Variants in NOTUM observed in about 807,000 individuals in gnomAD.
NOTUM encodes palmitoleoyl-protein carboxylesterase NOTUM.
NOTUM carries 36 observed loss-of-function variants against 65.5 expected under a neutral mutation model. The observed-to-expected ratio is 0.55, with a 90% CI of 0.42 to 0.73. The LOEUF (loss-of-function observed/expected upper bound fraction) is 0.73. Among genes scored for constraint, NOTUM ranks in the 30% least tolerant of loss-of-function variants. NOTUM has a pLI of 0.00. For synonymous variants in NOTUM, 356 were observed against 297.9 expected (o/e 1.20, Z -2.01); for missense variants, 659 against 694.2 (o/e 0.95, Z 0.57).
chr17:81,958,584 AC>A (rs1196002829), intron 4 of NOTUM, among the ~76,000 whole-genome samples, 191 bp from the exon 5 acceptor site: 4 of 151,170 alleles, frequency 2.6e-5, no homozygotes, highest in African/African-American at 9.8e-5. Flanking sequence ...CCAACCCAGG[AC>A]AGGACCCTTT....
Position 81,952,989 on chromosome 17 carries a change from A to G in NOTUM, c.1463T>C (p.Leu488Pro), listed in dbSNP as rs2041398787. The G allele has an allele frequency of 6.2e-7, 1 of 1,613,822 alleles. No homozygotes were observed. The highest frequency in any genetic ancestry group is 1.3e-5 in the African/African-American group (1 of 74,940). ...GCTTCCGTTGCTCAGCATCCCCAGCAGCTCACTGGGCTCCAGTCCCTGCGG... is the reference window on the plus strand; with the variant it reads ...GCTTCCGTTGCTCAGCATCCCCAGCGGCTCACTGGGCTCCAGTCCCTGCGG... ...AQPQGLEPSELLGMLSNGS is the reference protein window; with the variant it reads ...AQPQGLEPSEPLGMLSNGS The change falls in exon 11 of 11, where the codon CTG becomes CCG. Residue 488 changes from leucine to proline, a missense_variant. Leu to Pro is a moderately conservative substitution (Grantham distance 98). Coordinates refer to ENST00000409678, the MANE Select transcript of NOTUM (RefSeq NM_178493.6).
In NOTUM at chr17:81,952,916, G is replaced by C. The variant is rs2041397901; in HGVS notation, c.*45C>G. 1 of 1,548,130 alleles carries C rather than the reference G, an allele frequency of 6.5e-7. No homozygotes were observed. The highest frequency in any genetic ancestry group is 1.4e-5 in the African/African-American group (1 of 73,770). Reference sequence around the variant, plus strand: ...GGGGTGAGGTGGCACTGGGGCAGCGGGTGTCTGGGCCCCTCAGTGCCGGCT... The same window carrying C: ...GGGGTGAGGTGGCACTGGGGCAGCGCGTGTCTGGGCCCCTCAGTGCCGGCT... On this transcript the variant is annotated 3_prime_UTR_variant, in exon 11 of 11. Transcript: ENST00000409678.
rs774426016 is a variant in NOTUM, at chr17:81,956,991, C to T, written c.779G>A (p.Arg260Gln). 7 of 1,612,878 alleles carry T rather than the reference C, an allele frequency of 4.3e-6. No individual in the cohort carries two copies. The highest frequency in any genetic ancestry group is 2.2e-5 in the East Asian group (1 of 44,882). Reference sequence around the variant, plus strand: ...GAACCAGCCGGAGTCAGCCAGGCCTCGCACCTGGATGGCTGGGTAGCCCAG... The same window carrying T: ...GAACCAGCCGGAGTCAGCCAGGCCTTGCACCTGGATGGCTGGGTAGCCCAG... ...EKLGYPAIQV[R>Q]GLADSGWFLD... Residue 260 changes from arginine (R) to glutamine (Q), a missense_variant, in exon 7 of 11, where the codon CGA becomes CAA. Arg to Gln is a conservative substitution (Grantham distance 43, BLOSUM62 1). Transcript: ENST00000409678.
In NOTUM at chr17:81,960,091, G is replaced by A. The variant is rs2041463083; in HGVS notation, c.324-399C>T. On this transcript the variant is annotated intron_variant, in intron 1 of 10. Transcript: ENST00000409678. The surrounding 1 kb of genome is among the most constrained non-coding windows in gnomAD (Gnocchi z 6.4). ...GGGAGGCGCGGGCGGCACCGACCCG[G>A]CGGGGGAGCCTTCCTGCCGAGCCCC... Among the ~76,000 whole-genome samples the A allele has an allele frequency of 6.6e-6, 1 of 152,096 alleles. No individual in the cohort carries two copies. Among genetic ancestry groups the A allele is most frequent in the African/African-American group, 2.4e-5 (1 of 41,436 alleles).
At chr17:81,959,084 ACTT>A in intron 3 of NOTUM, 89 bp from the exon 4 acceptor site, 4 of 1,117,314 alleles carry the variant, frequency 3.6e-6, no homozygotes, top group Non-Finnish European at 5.4e-6. Context: ...TGGGGCTCCT[ACTT>A]GGCCCCAGGA....
At chr17:81,954,785 T>G (rs995206350) in intron 9 of NOTUM, among the ~76,000 whole-genome samples, 1 of 151,638 alleles carries the variant, frequency 6.6e-6, no homozygotes. Context: ...CCTGGATAAT[T>G]TCTGTATGTG....
intron 9 of NOTUM, among the ~76,000 whole-genome samples, chr17:81,954,613 G>A (rs954251398): frequency 6.6e-6 from 1 of 152,166 alleles, no homozygotes; most frequent in Non-Finnish European, 1.5e-5. Flanking sequence ...ATTTTGAGTC[G>A]GGGTCTGGCT....
At position 81,959,696 on chromosome 17, in the gene NOTUM, C is replaced by CGGG. The variant is rs534679133; in HGVS notation, c.324-7_324-5dup. Reference sequence around the variant, plus strand: ...CCTGGACTCCTTCAGGTAGTAGCTGCGGGGGAGGACGCACCGCGGGGGGTC... The same window carrying CGGG: ...CCTGGACTCCTTCAGGTAGTAGCTGCGGGGGGGGAGGACGCACCGCGGGGGGTC... On this transcript the variant is annotated splice_region_variant and splice_polypyrimidine_tract_variant and intron_variant, in intron 1 of 10. Coordinates refer to ENST00000409678, the MANE Select transcript of NOTUM (RefSeq NM_178493.6). 917 of 1,463,282 alleles carry CGGG rather than the reference C, an allele frequency of 6.3e-4. 8 individuals are homozygous for CGGG. In the African/African-American group the frequency reaches 0.011, roughly 18 times the overall value. 90.6% of individuals were successfully genotyped at this position (1,463,282 alleles called of 1,614,324 possible). A position where few individuals can be genotyped will look rare whatever the true frequency, so the allele number is the denominator to read the frequency against.
At position 81,958,482 on chromosome 17, in the gene NOTUM, A is replaced by ACCAT; in HGVS notation, c.534-93_534-90dup. ...CCCCAGAACAGGACCCTCAGAAAAG[A>ACCAT]CCATCCCAGGACAGGATTCCCCTGG... On this transcript the variant is annotated intron_variant, in intron 4 of 10. Coordinates refer to ENST00000409678, the MANE Select transcript of NOTUM (RefSeq NM_178493.6). The ACCAT allele has an allele frequency of 4.6e-6, 4 of 860,656 alleles. No homozygotes were observed. The South Asian group carries it at 5.4e-5, about 12-fold the overall frequency. 53.3% of individuals were successfully genotyped at this position (860,656 alleles called of 1,614,324 possible). A position where few individuals can be genotyped will look rare whatever the true frequency, so the allele number is the denominator to read the frequency against.
rs1759588173 is a variant in NOTUM at position 81,960,018 on chromosome 17, C to T, written c.324-326G>A. On this transcript the variant is annotated intron_variant, in intron 1 of 10. Coordinates refer to ENST00000409678, the MANE Select transcript of NOTUM (RefSeq NM_178493.6). The surrounding 1 kb of genome is among the most constrained non-coding windows in gnomAD (Gnocchi z 6.4). ...GCGCTTGAAGCGTGAAACGCGTCCG[C>T]ACTGAAGGAGCGCGCTTGGCGGGGG... 6.6e-6 allele frequency among the ~76,000 whole-genome samples: 1 copy of T among 151,980 alleles called. No homozygotes were observed. The highest frequency in any genetic ancestry group is 2.4e-5 in the African/African-American group (1 of 41,414).
At chr17:81,956,097 T>C (rs950104999) in intron 8 of NOTUM, among the ~76,000 whole-genome samples, 2 of 152,150 alleles carry the variant, frequency 1.3e-5, no homozygotes, top group Non-Finnish European at 2.9e-5. Flanking sequence ...CATAACTAAA[T>C]CAATAACTAA....
Position 81,952,684 on chromosome 17 carries a change from T to A in NOTUM, c.*277A>T. 1.9e-6 allele frequency: 1 copy of A among 523,718 alleles called. No homozygotes were observed. 32.4% of individuals were successfully genotyped at this position (523,718 alleles called of 1,614,324 possible). A position where few individuals can be genotyped will look rare whatever the true frequency, so the allele number is the denominator to read the frequency against. On this transcript the variant is annotated 3_prime_UTR_variant, in exon 11 of 11. Coordinates refer to ENST00000409678, the MANE Select transcript of NOTUM (RefSeq NM_178493.6). ...GTGGGTGCTGTCTGAGCTGGTGGAC[T>A]GAGGAATCCAGTGCTTCTCTTCTGG...
Position 81,959,486 on chromosome 17 carries a change from G to C in NOTUM, c.457C>G (p.Pro153Ala). ...CGCCGCTGACCTGTGCGAGTGCGCG[G>C]CCAGTCCCGGGAGCTCATGAGGCGC... ...MRRLMSSRDW[P>A]RTRTGTGILS... Residue 153 changes from proline to alanine, a missense_variant, in exon 3 of 11, where the codon CCG becomes GCG. Coordinates refer to ENST00000409678, the MANE Select transcript of NOTUM (RefSeq NM_178493.6). 1 of 1,547,836 alleles carries C rather than the reference G, an allele frequency of 6.5e-7. No homozygotes were observed. The highest frequency in any genetic ancestry group is 2.4e-5 in the East Asian group (1 of 40,888).
At chr17:81,959,020 T>C (rs752786279) in intron 3 of NOTUM, 25 bp from the exon 4 acceptor site, 2 of 1,607,506 alleles carry the variant, frequency 1.2e-6, no homozygotes, top group African/African-American at 2.7e-5. Flanking sequence ...GCGGTGGGTC[T>C]TTCTAGCGGG....
chr17:81,959,293 G>A, intron 3 of NOTUM, 178 bp downstream of exon 3: 1 of 619,648 alleles, frequency 1.6e-6, no homozygotes, highest in Admixed American at 2.9e-5. Context: ...GCGCCTGAAT[G>A]CTAATGTGGA....
Position 81,955,570 on chromosome 17 carries a change from C to G in NOTUM, c.989-26G>C, listed in dbSNP as rs750143056. 7.5e-6 allele frequency: 12 copies of G among 1,598,264 alleles called. No homozygotes were observed. In the Admixed American group the frequency reaches 1.0e-4, roughly 13 times the overall value. ...CTGCGGGCGGCGGGGCTCAGTTCGG[C>G]CTCCCCTGACCCCCGCTGCTGCCCC... On this transcript the variant is annotated intron_variant, in intron 8 of 10. Transcript: ENST00000409678.
At position 81,959,046 on chromosome 17, in the gene NOTUM, G is replaced by A. The variant is rs756602743; in HGVS notation, c.473-51C>T. On this transcript the variant is annotated intron_variant, in intron 3 of 10. Coordinates refer to ENST00000409678, the MANE Select transcript of NOTUM (RefSeq NM_178493.6). The stretch of plus-strand genomic sequence containing the variant: ...TTCTAGCGGGAGGAGGCTGTGTAGG[G>A]TCGGGTCTGGGAACCCTGGTGAGGT... 6 of 1,523,912 alleles carry A rather than the reference G, an allele frequency of 3.9e-6. No individual in the cohort carries two copies. In the African/African-American group the frequency reaches 8.2e-5, roughly 21 times the overall value. 94.4% of individuals were successfully genotyped at this position (1,523,912 alleles called of 1,614,324 possible). A position where few individuals can be genotyped will look rare whatever the true frequency, so the allele number is the denominator to read the frequency against.
intron 6 of NOTUM, among the ~76,000 whole-genome samples, chr17:81,957,508 C>G (rs1034997013): frequency 7.2e-5 from 11 of 152,148 alleles, no homozygotes; most frequent in Non-Finnish European, 1.0e-4. Flanking sequence ...TGGCCAACCC[C>G]TAACCAACGA....
intron 1 of NOTUM, 23 bp from the exon 2 acceptor site, chr17:81,959,715 G>A (rs1016772837): frequency 8.4e-6 from 12 of 1,429,788 alleles, no homozygotes; most frequent in Non-Finnish European, 1.1e-5. Context: ...ACGCACCGCG[G>A]GGGGTCGGCC....
Sources: gnomAD v4.1 joint callset for allele counts (sites outside exome capture counted in the v4.1 genomes callset) on GRCh38, gnomAD v4.1.1 for gene constraint, Gnocchi (gnomAD v3.1) non-coding constraint, MANE v1.5 for transcripts, NCBI Gene and HGNC (gene_info 2026-07-23, HGNC 2026-07-21) for gene names.